KANSL1: variants seen among roughly 807,000 people sequenced by gnomAD.
KANSL1 encodes KAT8 regulatory NSL complex subunit 1, also known as MLL1/MLL complex subunit KANSL1.
KANSL1 carries 22 observed loss-of-function variants against 103.6 expected under a neutral mutation model. The ratio of observed to expected loss-of-function variants is 0.21; its 90% CI spans 0.15 to 0.30. The LOEUF is 0.30. Ranked by LOEUF, KANSL1 falls within the 10% of genes least tolerant of loss-of-function variation. The pLI is 1.00. For missense variants in KANSL1, 1,337 were observed against 1,399.8 expected (o/e 0.96, Z 0.72); for synonymous variants, 600 against 527.6 (o/e 1.14, Z -1.88).
At chr17:46,139,571 G>A (rs1289266183) in intron 2 of KANSL1, among the ~76,000 whole-genome samples, 1 of 152,162 alleles carries the variant, frequency 6.6e-6, no homozygotes, top group Non-Finnish European at 1.5e-5. Context: ...CCCAGCCTTT[G>A]GAGTGATATG....
intron 2 of KANSL1, among the ~76,000 whole-genome samples, chr17:46,153,584 T>C (rs1386277109): frequency 2.0e-5 from 3 of 152,114 alleles, no homozygotes; most frequent in Admixed American, 6.5e-5. Context: ...AACACTAGTA[T>C]AGGAAATGAA....
At chr17:46,041,878 T>TTGTGTGTGTGTGTGTGTGTGTGTGTGTG (rs146582763) in intron 7 of KANSL1, 1 of 122,648 alleles carries the variant, frequency 8.2e-6, no homozygotes, top group African/African-American at 2.8e-5. Flanking sequence ...GAAATTTATT[T>TTGTGTGTGTGTGTGTGTGTGTGTGTGTG]TGTGTGTGTG....
Position 46,178,028 on chromosome 17 carries a change from T to C in KANSL1, c.-89-5796A>G, listed in dbSNP as rs140324252. Among the ~76,000 whole-genome samples the C allele has an allele frequency of 2.0e-3, 299 of 152,196 alleles. 9 individuals are homozygous for C. The East Asian group carries it at 0.046, about 23-fold the overall frequency. On this transcript the variant is annotated intron_variant, in intron 1 of 14. Coordinates refer to ENST00000432791, the MANE Select transcript of KANSL1 (RefSeq NM_015443.4). ...TCCTGACCTCGTGATCTGCCCACCTTGGCCTCCCAAAGTGCTGGGATTACA... is the reference window on the plus strand; with the variant it reads ...TCCTGACCTCGTGATCTGCCCACCTCGGCCTCCCAAAGTGCTGGGATTACA...
At chr17:46,112,489 G>A (rs79772780) in intron 2 of KANSL1, among the ~76,000 whole-genome samples, 21,284 of 148,958 alleles carry the variant, frequency 0.14, 2,066 homozygotes, top group Middle Eastern at 0.22. Context: ...ATTCGAGACC[G>A]GCGTGGCCAA....
chr17:46,193,630 T>G, upstream of KANSL1: 2 of 305,292 alleles, frequency 6.6e-6, no homozygotes, highest in Non-Finnish European at 1.4e-5. Flanking sequence ...GCCGATGTTT[T>G]TGTACCTCCA....
chr17:46,049,968 T>G (rs1332006285), intron 7 of KANSL1: 1 of 152,328 alleles, frequency 6.6e-6, no homozygotes, highest in African/African-American at 2.4e-5. Flanking sequence ...CAGGCTAGAG[T>G]GCAATGGTGC....
intron 1 of KANSL1, among the ~76,000 whole-genome samples, chr17:46,192,129 G>A (rs1044791004): frequency 1.3e-5 from 2 of 152,262 alleles, no homozygotes; most frequent in African/African-American, 4.8e-5. Flanking sequence ...ATCCACATTG[G>A]GATTCCAACA....
intron 3 of KANSL1, chr17:46,092,897 C>T (rs1341135355): frequency 5.3e-5 from 8 of 151,942 alleles, no homozygotes; most frequent in Non-Finnish European, 1.0e-4. Flanking sequence ...ATTTCTTTGT[C>T]GTACTTAAAA....
chr17:46,034,490 G>A lies in KANSL1; in HGVS notation c.2542-205C>T, dbSNP rs531748987. 3.6e-5 allele frequency: 18 copies of A among 505,770 alleles called. No homozygotes were observed. The Admixed American group carries it at 4.2e-4, about 12-fold the overall frequency. The allele number at this position is 505,770 out of a possible 1,614,324, so 31.3% of individuals were successfully genotyped here. A position where few individuals can be genotyped will look rare whatever the true frequency, so the allele number is the denominator to read the frequency against. On this transcript the variant is annotated intron_variant, in intron 10 of 14. Transcript: ENST00000432791. ...CGGAGAAATACCAGGTGGTCATGAGGAGTTAGTCCCATTCATAAGTCCCAC... is the reference window on the plus strand; with the variant it reads ...CGGAGAAATACCAGGTGGTCATGAGAAGTTAGTCCCATTCATAAGTCCCAC...
In KANSL1 at chr17:46,052,964, C is replaced by CAAAAAAAAAAAA. The variant is rs34473927; in HGVS notation, c.1849-2272_1849-2261dup. Among the ~76,000 whole-genome samples, 19 of 32,998 alleles carry CAAAAAAAAAAAA rather than the reference C, an allele frequency of 5.8e-4. 2 individuals are homozygous for CAAAAAAAAAAAA. Among genetic ancestry groups the CAAAAAAAAAAAA allele is most frequent in the Non-Finnish European group, 8.8e-4 (15 of 17,130 alleles). 21.6% of individuals were successfully genotyped at this position (32,998 alleles called of 152,430 possible). Reference sequence around the variant, plus strand: ...GGGAAAAAGAGTAAGATCCTGTCTCCAAAAAAAAAAAAAAAAAAAAAAAAA... The same window carrying CAAAAAAAAAAAA: ...GGGAAAAAGAGTAAGATCCTGTCTCCAAAAAAAAAAAAAAAAAAAAAAAAAAAAAAAAAAAAA... On this transcript the variant is annotated intron_variant, in intron 6 of 14. Transcript: ENST00000432791.
intron 1 of KANSL1, among the ~76,000 whole-genome samples, chr17:46,205,380 CAA>C (rs1190946435): frequency 3.9e-4 from 57 of 147,012 alleles, no homozygotes; most frequent in Admixed American, 8.8e-4. Flanking sequence ...ATCCCCCCGC[CAA>C]AAAAAAAAGA....
At chr17:46,123,857 T>C (rs1051384275) in intron 2 of KANSL1, among the ~76,000 whole-genome samples, 2 of 152,244 alleles carry the variant, frequency 1.3e-5, no homozygotes, top group Non-Finnish European at 2.9e-5. Flanking sequence ...GCTAAGATCA[T>C]CGATGAAGAT....
chr17:46,196,611 G>C (rs2047618751), upstream of KANSL1: 13 of 328,844 alleles, frequency 4.0e-5, no homozygotes, highest in South Asian at 2.6e-4. Flanking sequence ...CTGACAATTT[G>C]TATGACTTCT....
intron 2 of KANSL1, among the ~76,000 whole-genome samples, chr17:46,096,155 T>C (rs1235779057): frequency 2.0e-5 from 3 of 150,798 alleles, no homozygotes; most frequent in African/African-American, 7.3e-5. Context: ...TTTTTTTTCC[T>C]GAGAGGCAGG....
At chr17:46,069,767 A>C (rs1167683872) in intron 4 of KANSL1, among the ~76,000 whole-genome samples, 4 of 152,118 alleles carry the variant, frequency 2.6e-5, no homozygotes, top group Non-Finnish European at 5.9e-5. Context: ...AAAACAAAAA[A>C]CAAACAAAAA....
upstream of KANSL1, among the ~76,000 whole-genome samples, chr17:46,195,858 T>G (rs2047589678): frequency 6.6e-6 from 1 of 152,208 alleles, no homozygotes; most frequent in Non-Finnish European, 1.5e-5. Flanking sequence ...GAAACAAATT[T>G]TCTTAAATTT....
At chr17:46,150,941 A>C (rs74745847) in intron 2 of KANSL1, among the ~76,000 whole-genome samples, 5 of 152,272 alleles carry the variant, frequency 3.3e-5, no homozygotes, top group Non-Finnish European at 7.4e-5. Context: ...AAAAAAAAAA[A>C]AAAACACGAG....
At chr17:46,049,240 C>CTTTTTTTTTTTTT (rs34418861) in intron 7 of KANSL1, among the ~76,000 whole-genome samples, 2 of 75,768 alleles carry the variant, frequency 2.6e-5, no homozygotes, top group Non-Finnish European at 4.8e-5. Context: ...CATCCAAGAC[C>CTTTTTTTTTTTTT]TTTTTTTTTT....
intron 2 of KANSL1, among the ~76,000 whole-genome samples, chr17:46,117,442 A>G (rs1356618210): frequency 6.6e-6 from 1 of 152,252 alleles, no homozygotes; most frequent in East Asian, 1.9e-4. Context: ...ATGTATCCAC[A>G]CCATTTTAAT....
Sources: gnomAD v4.1 joint callset for allele counts (sites outside exome capture counted in the v4.1 genomes callset) on GRCh38, gnomAD v4.1.1 for gene constraint, MANE v1.5 for transcripts, NCBI Gene and HGNC (gene_info 2026-07-23, HGNC 2026-07-21) for gene names.